SPRED2: variants seen among roughly 807,000 people sequenced by gnomAD.
The protein encoded by SPRED2 is sprouty related EVH1 domain containing 2, also known as sprouty-related, EVH1 domain-containing protein 2.
A neutral mutation model predicts 43.0 loss-of-function variants in SPRED2; 47 were observed. That is an observed-to-expected ratio of 1.09 (90% CI 0.87 to 1.40). SPRED2 has a LOEUF of 1.40. Among genes scored for constraint, SPRED2 ranks in the 40% most tolerant of loss-of-function variants. The probability of loss-of-function intolerance (pLI) is 0.00; values close to 1 mark genes in which losing one functional copy is unlikely to be tolerated. For missense variants in SPRED2, 561 were observed against 586.4 expected, an observed-to-expected ratio of 0.96 and a Z score of 0.45; for synonymous variants, 225 against 225.7, an observed-to-expected ratio of 1.00 and a Z score of 0.03.
chr2:65,409,983 T>C (rs1024065235), intron 1 of SPRED2, among the ~76,000 whole-genome samples: 3 of 150,266 alleles, frequency 2.0e-5, no homozygotes, highest in African/African-American at 7.4e-5. Flanking sequence ...TGAGCCAAGA[T>C]TGCACCACTG....
chr2:65,354,148 G>A (rs1674583071), intron 1 of SPRED2, among the ~76,000 whole-genome samples: 2 of 152,316 alleles, frequency 1.3e-5, no homozygotes, highest in African/African-American at 2.4e-5. Flanking sequence ...AGGCAATTAG[G>A]GATCCTCTGA....
chr2:65,337,053 G>A (rs1033226955), intron 2 of SPRED2, among the ~76,000 whole-genome samples: 2 of 152,100 alleles, frequency 1.3e-5, no homozygotes, highest in Middle Eastern at 3.4e-3. Context: ...GCTTGCAGTG[G>A]GCCGAGATCG....
chr2:65,369,852 G>A (rs1325633835), intron 1 of SPRED2, among the ~76,000 whole-genome samples: 1 of 152,238 alleles, frequency 6.6e-6, no homozygotes, highest in African/African-American at 2.4e-5. Flanking sequence ...TCAGAGCACA[G>A]GGTCTTAGAA....
intron 1 of SPRED2, among the ~76,000 whole-genome samples, chr2:65,358,084 A>C (rs1347947129): frequency 6.6e-6 from 1 of 152,226 alleles, no homozygotes; most frequent in East Asian, 1.9e-4. Flanking sequence ...TTTCAGCAGT[A>C]AAATGCAACT....
At chr2:65,331,089 T>C (rs1258042544) in intron 4 of SPRED2, among the ~76,000 whole-genome samples, 2 of 152,204 alleles carry the variant, frequency 1.3e-5, no homozygotes, top group East Asian at 3.9e-4. Flanking sequence ...ATATTTCTTA[T>C]TGTGGGTCAA....
chr2:65,329,451 G>C (rs1673742383), intron 4 of SPRED2, among the ~76,000 whole-genome samples: 1 of 152,220 alleles, frequency 6.6e-6, no homozygotes, highest in African/African-American at 2.4e-5. Context: ...ATTGATCGCA[G>C]ACACCAGGGT....
intron 1 of SPRED2, among the ~76,000 whole-genome samples, chr2:65,358,611 C>T (rs981656100): frequency 2.0e-5 from 3 of 152,168 alleles, no homozygotes; most frequent in East Asian, 1.9e-4. Context: ...TCTGCTAAAG[C>T]AGCTCAGTGC....
chr2:65,428,051 C>G (rs1676595578), intron 1 of SPRED2, among the ~76,000 whole-genome samples: 1 of 152,228 alleles, frequency 6.6e-6, no homozygotes, highest in Non-Finnish European at 1.5e-5. Context: ...TCTCGGGCAA[C>G]TAACTTGACC....
At chr2:65,319,419 G>A (rs1252824994) in intron 4 of SPRED2, among the ~76,000 whole-genome samples, 1 of 152,206 alleles carries the variant, frequency 6.6e-6, no homozygotes, top group African/African-American at 2.4e-5. Flanking sequence ...GAAAGGACTT[G>A]TCTGAGGATG....
intron 1 of SPRED2, among the ~76,000 whole-genome samples, chr2:65,423,614 C>T (rs957346366): frequency 6.6e-6 from 1 of 152,146 alleles, no homozygotes; most frequent in Non-Finnish European, 1.5e-5. Flanking sequence ...TTGTTTCCTG[C>T]CTTGTAAAGT....
rs575428362 is a variant in SPRED2 at position 65,344,399 on chromosome 2, T to A, written c.204+320A>T. ...ACTTCACAGCTCAGTACAATGTGAT[T>A]CATAATAATAAAAGAGTACACTTTT... is the stretch of plus-strand genomic sequence containing the variant. On this transcript the variant is annotated intron_variant, in intron 2 of 5. Coordinates refer to ENST00000356388, the MANE Select transcript of SPRED2 (RefSeq NM_181784.3). The A allele has an allele frequency of 1.8e-4, 77 of 418,206 alleles. 1 individual carries two copies. Among genetic ancestry groups the A allele is most frequent in the South Asian group, 1.6e-3 (77 of 49,232 alleles). 25.9% of individuals were successfully genotyped at this position (418,206 alleles called of 1,614,324 possible).
chr2:65,381,005 G>A (rs370631888), intron 1 of SPRED2, among the ~76,000 whole-genome samples: 71 of 152,146 alleles, frequency 4.7e-4, no homozygotes, highest in African/African-American at 1.4e-3. Flanking sequence ...TGAGGAAGGC[G>A]CTCTTAGGAT....
At chr2:65,318,957 A>T (rs1361595060) in intron 4 of SPRED2, among the ~76,000 whole-genome samples, 3 of 152,110 alleles carry the variant, frequency 2.0e-5, no homozygotes, top group Admixed American at 6.5e-5. Context: ...CTTATCTATC[A>T]CTTTACATGT....
At chr2:65,403,125 C>T (rs998532783) in intron 1 of SPRED2, among the ~76,000 whole-genome samples, 12 of 152,200 alleles carry the variant, frequency 7.9e-5, no homozygotes, top group Non-Finnish European at 1.6e-4. Flanking sequence ...AATGCTGAAA[C>T]GTCCAAGCTC....
chr2:65,357,902 C>T (rs1324334521), intron 1 of SPRED2, among the ~76,000 whole-genome samples: 1 of 152,158 alleles, frequency 6.6e-6, no homozygotes, highest in Non-Finnish European at 1.5e-5. Context: ...CTTCAGTTTC[C>T]TTATGTGTAA....
chr2:65,406,347 A>G (rs1487696427), intron 1 of SPRED2, among the ~76,000 whole-genome samples: 2 of 152,196 alleles, frequency 1.3e-5, no homozygotes, highest in South Asian at 2.1e-4. Context: ...TTTACTCTTT[A>G]TAGAGGTCAA....
In SPRED2 at chr2:65,432,383, C is replaced by T. The variant is rs1668906802; in HGVS notation, c.-396G>A. On this transcript the variant is annotated 5_prime_UTR_variant, in exon 1 of 6. Coordinates refer to ENST00000356388, the MANE Select transcript of SPRED2 (RefSeq NM_181784.3). Reference sequence around the variant, plus strand: ...CCGGCCGCGGGTGGGGGGGCTCAGTCCGGGGTCGCCCCCGGGGGGCCGGGC... The same window carrying T: ...CCGGCCGCGGGTGGGGGGGCTCAGTTCGGGGTCGCCCCCGGGGGGCCGGGC... 1 of 181,946 alleles carries T rather than the reference C, an allele frequency of 5.5e-6. No individual in the cohort carries two copies. The highest frequency in any genetic ancestry group is 1.7e-4 in the East Asian group (1 of 5,920). 11.3% of individuals were successfully genotyped at this position (181,946 alleles called of 1,614,324 possible).
chr2:65,355,204 G>C (rs1301128396), intron 1 of SPRED2, among the ~76,000 whole-genome samples: 1 of 152,140 alleles, frequency 6.6e-6, no homozygotes, highest in Non-Finnish European at 1.5e-5. Context: ...TCCTTGGTGG[G>C]TTTCCTAGTC....
intron 1 of SPRED2, among the ~76,000 whole-genome samples, chr2:65,370,323 A>AACG (rs1461188205): frequency 9.6e-6 from 1 of 104,142 alleles, no homozygotes; most frequent in Non-Finnish European, 2.0e-5. Context: ...AATTTATGTG[A>AACG]ACAACGACAA....
Sources: allele counts gnomAD v4.1 joint callset (sites outside exome capture counted in the v4.1 genomes callset), GRCh38; gene constraint gnomAD v4.1.1; transcripts MANE v1.5; gene names NCBI Gene and HGNC (gene_info 2026-07-23, HGNC 2026-07-21).